The following DLG1 variants were observed in gnomAD, a reference collection of about 807,000 sequenced individuals.
The protein encoded by DLG1 is disks large homolog 1.
DLG1 carries 42 observed loss-of-function variants against 123.4 expected under a neutral mutation model. The observed-to-expected ratio is 0.34, with a 90% CI of 0.27 to 0.44. DLG1 has a LOEUF of 0.44. Among genes scored for constraint, DLG1 ranks in the 20% least tolerant of loss-of-function variants. The pLI is 1.00. For missense variants in DLG1, 942 were observed against 1,082.6 expected (o/e 0.87, Z 1.82); for synonymous variants, 317 against 356.2 (o/e 0.89, Z 1.24).
At chr3:197,128,769 C>T (rs1781046972) in intron 11 of DLG1, among the ~76,000 whole-genome samples, 2 of 152,282 alleles carry the variant, frequency 1.3e-5, no homozygotes, top group South Asian at 4.1e-4. Flanking sequence ...AGTCTCCCTG[C>T]ACACTGCCAT....
chr3:197,298,381 G>T (rs1778535989), intron 1 of DLG1, 155 bp downstream of exon 1: 1 of 397,908 alleles, frequency 2.5e-6, no homozygotes, highest in African/African-American at 2.1e-5. Context: ...GGACTCCACA[G>T]GTGGCCCGGG....
chr3:197,141,905 C>A (rs1373999085), intron 7 of DLG1, among the ~76,000 whole-genome samples: 5 of 152,112 alleles, frequency 3.3e-5, no homozygotes, highest in Non-Finnish European at 1.5e-5. Context: ...CGGAGTTTTG[C>A]CATGTTGGCC....
intron 22 of DLG1, among the ~76,000 whole-genome samples, chr3:197,064,268 A>T (rs1467195442): frequency 1.4e-5 from 2 of 146,702 alleles, no homozygotes; most frequent in Non-Finnish European, 3.0e-5. Context: ...ACCTCGGCTC[A>T]CTGCAACCTC....
intron 11 of DLG1, among the ~76,000 whole-genome samples, chr3:197,122,766 A>G (rs1777109749): frequency 6.6e-6 from 1 of 152,148 alleles, no homozygotes; most frequent in Admixed American, 6.5e-5. Context: ...TGTAAGAAGG[A>G]CTTCAATAAA....
At chr3:197,259,837 T>C (rs1173250629) in intron 4 of DLG1, among the ~76,000 whole-genome samples, 2 of 152,106 alleles carry the variant, frequency 1.3e-5, no homozygotes, top group African/African-American at 4.8e-5. Flanking sequence ...TATTTTCCTC[T>C]TCCTAAAAAA....
chr3:197,158,634 C>CAAAAAAAAAAAAAAAAAAAAAAA lies in DLG1; in HGVS notation c.484-8861_484-8839dup, dbSNP rs71623339. Among the ~76,000 whole-genome samples the CAAAAAAAAAAAAAAAAAAAAAAA allele has an allele frequency of 2.8e-4, 19 of 67,490 alleles. 1 individual carries two copies. Among genetic ancestry groups the CAAAAAAAAAAAAAAAAAAAAAAA allele is most frequent in the African/African-American group, 4.4e-4 (8 of 18,132 alleles). 44.3% of individuals were successfully genotyped at this position (67,490 alleles called of 152,430 possible). On this transcript the variant is annotated intron_variant, in intron 5 of 24. Transcript: ENST00000667157. The stretch of plus-strand genomic sequence containing the variant: ...GGGTAACAAGAGCAAAACTCCATTT[C>CAAAAAAAAAAAAAAAAAAAAAAA]AAAAAAAAAAAAAAAAAAAAAAAGC...
chr3:197,070,991 C>T (rs948973288), intron 18 of DLG1: 1 of 151,906 alleles, frequency 6.6e-6, no homozygotes, highest in Non-Finnish European at 1.5e-5. Flanking sequence ...CATTATTTAC[C>T]TCGCTATTTA....
intron 24 of DLG1, among the ~76,000 whole-genome samples, chr3:197,046,836 C>T (rs1381051246): frequency 6.6e-6 from 1 of 152,000 alleles, no homozygotes; most frequent in East Asian, 1.9e-4. Context: ...CACCATTGCA[C>T]TCCAGCCTGG....
intron 4 of DLG1, among the ~76,000 whole-genome samples, chr3:197,210,791 CAATA>C (rs1345580765): frequency 6.9e-6 from 1 of 144,734 alleles, no homozygotes; most frequent in Non-Finnish European, 1.5e-5. Flanking sequence ...ATAATTCTTT[CAATA>C]AATAGAGTGA....
intron 6 of DLG1, among the ~76,000 whole-genome samples, chr3:197,148,618 T>G (rs1577090779): frequency 2.0e-5 from 3 of 152,052 alleles, no homozygotes; most frequent in African/African-American, 7.2e-5. Flanking sequence ...AGTGATGCTA[T>G]CCACATACAA....
chr3:197,236,143 G>A (rs144536466), intron 4 of DLG1, among the ~76,000 whole-genome samples: 13 of 151,982 alleles, frequency 8.6e-5, no homozygotes, highest in African/African-American at 2.7e-4. Flanking sequence ...GCGAAATCCC[G>A]TCTCTACAAA....
At chr3:197,294,416 G>A (rs1198226646) in intron 3 of DLG1, among the ~76,000 whole-genome samples, 5 of 152,150 alleles carry the variant, frequency 3.3e-5, no homozygotes, top group Admixed American at 3.3e-4. Context: ...GGAGGCCGAG[G>A]TGGGTGGATC....
At chr3:197,262,867 C>T (rs1414269366) in intron 4 of DLG1, among the ~76,000 whole-genome samples, 2 of 152,188 alleles carry the variant, frequency 1.3e-5, no homozygotes, top group African/African-American at 4.8e-5. Context: ...GACCTAAATA[C>T]ATATGTATGT....
chr3:197,229,642 T>G (rs1741829339), intron 4 of DLG1, among the ~76,000 whole-genome samples: 2 of 152,180 alleles, frequency 1.3e-5, no homozygotes, highest in Admixed American at 6.5e-5. Context: ...CTATAAATAC[T>G]TAGATAACAA....
intron 4 of DLG1, among the ~76,000 whole-genome samples, chr3:197,229,769 C>T (rs1741910232): frequency 6.6e-6 from 1 of 152,166 alleles, no homozygotes; most frequent in South Asian, 2.1e-4. Flanking sequence ...TTTTGAAAAT[C>T]ATACCTTAAC....
At chr3:197,071,779 A>G (rs1260727950) in intron 18 of DLG1, among the ~76,000 whole-genome samples, 2 of 152,220 alleles carry the variant, frequency 1.3e-5, no homozygotes, top group African/African-American at 4.8e-5. Context: ...TGAAAACACA[A>G]AACAGACATG....
chr3:197,124,431 T>C (rs1485152825), intron 11 of DLG1, among the ~76,000 whole-genome samples: 2 of 151,918 alleles, frequency 1.3e-5, no homozygotes, highest in African/African-American at 4.8e-5. Flanking sequence ...CTTGCCACCA[T>C]GCCCGGGTAA....
chr3:197,171,324 A>T (rs1195270290), intron 5 of DLG1, among the ~76,000 whole-genome samples: 1 of 152,138 alleles, frequency 6.6e-6, no homozygotes, highest in South Asian at 2.1e-4. Context: ...TTTTATTCAA[A>T]TGTCCTTTGG....
At chr3:197,110,224 G>A (rs899780544) in intron 13 of DLG1, among the ~76,000 whole-genome samples, 25 of 152,016 alleles carry the variant, frequency 1.6e-4, no homozygotes, top group African/African-American at 5.8e-4. Flanking sequence ...AATCTCAATT[G>A]ACCCATCTTC....
Sources: gnomAD v4.1 joint callset for allele counts (sites outside exome capture counted in the v4.1 genomes callset) on GRCh38, gnomAD v4.1.1 for gene constraint, MANE v1.5 for transcripts, NCBI Gene and HGNC (gene_info 2026-07-23, HGNC 2026-07-21) for gene names.